The following NBEA variants were observed in gnomAD, a reference collection of about 807,000 sequenced individuals.
NBEA encodes neurobeachin.
In NBEA, 44 loss-of-function variants were observed where a neutral mutation model predicts 343.4. The observed-to-expected ratio is 0.13, with a 90% CI of 0.10 to 0.16. The LOEUF is 0.16. Ranked by LOEUF, NBEA falls within the 10% of genes least tolerant of loss-of-function variation. The pLI is 1.00. For synonymous variants in NBEA, 1,175 were observed against 1,238.7 expected, an observed-to-expected ratio of 0.95 and a Z score of 1.08; for missense variants, 2,555 against 3,631.3, an observed-to-expected ratio of 0.70 and a Z score of 7.62.
intron 6 of NBEA, among the ~76,000 whole-genome samples, chr13:35,053,239 C>T (rs566107524): frequency 6.6e-6 from 1 of 152,120 alleles, no homozygotes; most frequent in Admixed American, 6.6e-5. Flanking sequence ...AAAACAAAGG[C>T]CTAAAGGTCT....
intron 34 of NBEA, chr13:35,251,646 T>A: frequency 1.1e-6 from 1 of 947,450 alleles, no homozygotes; most frequent in Non-Finnish European, 1.4e-6. Context: ...TGGAAAAGGA[T>A]GAGCAGCAGA....
intron 32 of NBEA, 128 bp from the exon 33 acceptor site, chr13:35,210,925 G>A (rs1188380130): frequency 1.1e-6 from 1 of 916,522 alleles, no homozygotes; most frequent in Non-Finnish European, 1.6e-6. Context: ...ATGGCCAAAT[G>A]ATTAATTGTC....
intron 36 of NBEA, among the ~76,000 whole-genome samples, chr13:35,329,954 C>T (rs1237646840): frequency 6.6e-6 from 1 of 151,888 alleles, no homozygotes; most frequent in Non-Finnish European, 1.5e-5. Context: ...ATGAAGTGCT[C>T]CTATACCATG....
chr13:35,370,615 TTCTC>T (rs1056879421), intron 38 of NBEA, among the ~76,000 whole-genome samples: 1 of 152,076 alleles, frequency 6.6e-6, no homozygotes, highest in African/African-American at 2.4e-5. Flanking sequence ...CTTTGTTCCT[TTCTC>T]TCTTTTATTG....
intron 34 of NBEA, among the ~76,000 whole-genome samples, chr13:35,278,128 A>AAT (rs1329982192): frequency 8.8e-5 from 13 of 147,820 alleles, no homozygotes; most frequent in South Asian, 4.2e-4. Context: ...ATATACATAA[A>AAT]ATATATATAT....
chr13:35,150,549 ACT>A (rs1218704144), intron 18 of NBEA, among the ~76,000 whole-genome samples: 6 of 151,946 alleles, frequency 3.9e-5, no homozygotes, highest in Admixed American at 3.9e-4. Context: ...TCGCTTCCAG[ACT>A]CTCTGCTTAG....
intron 41 of NBEA, among the ~76,000 whole-genome samples, chr13:35,536,039 T>C (rs1030466083): frequency 1.3e-5 from 2 of 152,144 alleles, no homozygotes; most frequent in African/African-American, 4.8e-5. Context: ...GAGGGAGCTG[T>C]AGCTTTAAGA....
At chr13:35,251,274 G>A in intron 34 of NBEA, 1 of 503,026 alleles carries the variant, frequency 2.0e-6, no homozygotes, top group Non-Finnish European at 2.7e-6. Flanking sequence ...GTCGTCGCTG[G>A]TAGCAGATTC....
intron 1 of NBEA, among the ~76,000 whole-genome samples, chr13:34,964,736 C>G (rs563823672): frequency 1.3e-5 from 2 of 151,928 alleles, no homozygotes; most frequent in Non-Finnish European, 2.9e-5. Flanking sequence ...CCACAAGGAG[C>G]AGGGCTACAA....
chr13:35,054,152 G>A (rs181763412), intron 6 of NBEA, among the ~76,000 whole-genome samples: 6 of 151,982 alleles, frequency 3.9e-5, no homozygotes, highest in Admixed American at 6.6e-5. Context: ...GCATTTATTC[G>A]TGTCTCTTCT....
At chr13:35,337,879 G>A (rs1445638832) in intron 36 of NBEA, among the ~76,000 whole-genome samples, 1 of 151,776 alleles carries the variant, frequency 6.6e-6, no homozygotes, top group African/African-American at 2.4e-5. Context: ...ATAACCAATG[G>A]GTTAAAGGAT....
chr13:35,667,599 G>C, intron 57 of NBEA, 29 bp downstream of exon 57: 1 of 1,575,524 alleles, frequency 6.3e-7, no homozygotes, highest in South Asian at 1.1e-5. Flanking sequence ...TGCTAAGTAG[G>C]ACTGAAGCCA....
intron 38 of NBEA, among the ~76,000 whole-genome samples, chr13:35,427,168 G>A (rs1048569391): frequency 6.6e-6 from 1 of 152,196 alleles, no homozygotes; most frequent in Non-Finnish European, 1.5e-5. Context: ...TTGTTCCGTT[G>A]CTGGTGAGGA....
rs554177026 is a variant in NBEA at position 34,950,054 on chromosome 13, A to T, written c.294+6940A>T. ...ATTCTTTCTGCTGTTAACATTCTCG[A>T]TTTTTTGATACTCTTTTAGGGAGTC... On this transcript the variant is annotated intron_variant, in intron 1 of 58. Transcript: ENST00000379939. Among the ~76,000 whole-genome samples, 750 of 152,098 alleles carry T rather than the reference A, an allele frequency of 4.9e-3. 6 individuals are homozygous for T. The highest frequency in any genetic ancestry group is 0.017 in the African/African-American group (704 of 41,484).
chr13:35,106,662 A>G (rs2065932651), intron 11 of NBEA, among the ~76,000 whole-genome samples: 2 of 152,118 alleles, frequency 1.3e-5, no homozygotes, highest in South Asian at 4.1e-4. Flanking sequence ...GAGTAGGTCA[A>G]TAAAAAGACA....
intron 34 of NBEA, among the ~76,000 whole-genome samples, chr13:35,260,039 T>A (rs13378774): frequency 0.21 from 32,433 of 152,104 alleles, 3,796 homozygotes; most frequent in African/African-American, 0.31. Flanking sequence ...GAAGATATGG[T>A]TATCTTTAAT....
chr13:35,403,124 A>G (rs1168884123), intron 38 of NBEA, among the ~76,000 whole-genome samples: 1 of 152,068 alleles, frequency 6.6e-6, no homozygotes, highest in East Asian at 1.9e-4. Flanking sequence ...ATTTATGTCT[A>G]CTTTTATTGC....
At chr13:35,204,405 A>G (rs1201455097) in intron 31 of NBEA, among the ~76,000 whole-genome samples, 1 of 152,154 alleles carries the variant, frequency 6.6e-6, no homozygotes. Context: ...ATATGGTGGT[A>G]GCAAGAGAAA....
intron 40 of NBEA, among the ~76,000 whole-genome samples, chr13:35,471,913 G>A (rs1292350654): frequency 2.0e-5 from 3 of 152,134 alleles, no homozygotes; most frequent in Non-Finnish European, 4.4e-5. Flanking sequence ...AAACCGCTCT[G>A]AACAGCGGAA....
Sources: gnomAD v4.1 joint callset for allele counts (sites outside exome capture counted in the v4.1 genomes callset) on GRCh38, gnomAD v4.1.1 for gene constraint, MANE v1.5 for transcripts, NCBI Gene and HGNC (gene_info 2026-07-23, HGNC 2026-07-21) for gene names.